LARGE1: variants seen among roughly 807,000 people sequenced by gnomAD.
LARGE1 encodes LARGE xylosyl- and glucuronyltransferase 1.
LARGE1 carries 43 observed loss-of-function variants against 87.6 expected under a neutral mutation model. The observed-to-expected ratio is 0.49, with a 90% confidence interval of 0.38 to 0.63. LARGE1 has a LOEUF of 0.63. LARGE1 is among the 30% of genes least tolerant of loss of function. The pLI is 0.00. For missense variants in LARGE1, 802 were observed against 1,000.2 expected, an observed-to-expected ratio of 0.80 and a Z score of 2.67; for synonymous variants, 434 against 394.6, an observed-to-expected ratio of 1.10 and a Z score of -1.18.
At chr22:33,134,926 G>A in the LARGE1 span, among the ~76,000 whole-genome samples, 1 of 152,146 alleles carries the variant, frequency 6.6e-6, no homozygotes. Flanking sequence ...TTATGGTAGG[G>A]GCTGTGAAGC....
At chr22:33,091,158 A>G in the LARGE1 span, among the ~76,000 whole-genome samples, 2 of 152,202 alleles carry the variant, frequency 1.3e-5, no homozygotes, top group African/African-American at 4.8e-5. Flanking sequence ...CTCACATGAC[A>G]ATTATATCCA....
chr22:33,818,714 C>T (rs73171910), intron 1 of LARGE1, among the ~76,000 whole-genome samples: 3,515 of 152,254 alleles, frequency 0.023, 63 homozygotes, highest in Middle Eastern at 0.051. Context: ...AAATACCTAC[C>T]GAACAATGAA....
chr22:33,381,829 G>A (rs1186234910), intron 9 of LARGE1, 90 bp downstream of exon 9: 3 of 1,514,308 alleles, frequency 2.0e-6, no homozygotes, highest in African/African-American at 1.4e-5. Context: ...TCACCACATT[G>A]CACATAAATC....
intron 5 of LARGE1, among the ~76,000 whole-genome samples, chr22:33,575,754 C>T (rs1333607624): frequency 6.6e-6 from 1 of 152,076 alleles, no homozygotes; most frequent in African/African-American, 2.4e-5. Flanking sequence ...TAAATAATTC[C>T]AGAATGATGA....
chr22:33,083,253 A>C, the LARGE1 span, among the ~76,000 whole-genome samples: 1 of 152,252 alleles, frequency 6.6e-6, no homozygotes, highest in East Asian at 1.9e-4. Flanking sequence ...TTCTTTCACT[A>C]TGCTAGGCTG....
At chr22:33,383,978 A>G (rs1269694766) in intron 8 of LARGE1, among the ~76,000 whole-genome samples, 1 of 152,228 alleles carries the variant, frequency 6.6e-6, no homozygotes, top group Non-Finnish European at 1.5e-5. Flanking sequence ...GTACTCAGTG[A>G]AAGTCTGCCG....
At chr22:33,253,919 T>TTA (rs1927130741) in intron 11 of LARGE1, among the ~76,000 whole-genome samples, 1 of 151,566 alleles carries the variant, frequency 6.6e-6, no homozygotes, top group African/African-American at 2.4e-5. Flanking sequence ...TTTTTTTTTT[T>TTA]TTTTAGTAAA....
intron 2 of LARGE1, among the ~76,000 whole-genome samples, chr22:33,739,053 C>T (rs2083775348): frequency 6.6e-6 from 1 of 151,436 alleles, no homozygotes; most frequent in African/African-American, 2.4e-5. Context: ...GTAACCTCAG[C>T]GTACGTACTT....
intron 1 of LARGE1, among the ~76,000 whole-genome samples, chr22:33,764,273 T>C (rs1235217702): frequency 2.0e-5 from 3 of 152,180 alleles, no homozygotes; most frequent in Non-Finnish European, 4.4e-5. Context: ...AGGATCCACC[T>C]ACTCAATTCT....
chr22:33,153,404 T>A, the LARGE1 span, among the ~76,000 whole-genome samples: 2 of 152,234 alleles, frequency 1.3e-5, no homozygotes, highest in African/African-American at 4.8e-5. Flanking sequence ...TTTTACTGTA[T>A]GTTCAATATT....
At chr22:33,635,916 T>C (rs902732229) in intron 3 of LARGE1, among the ~76,000 whole-genome samples, 1 of 152,218 alleles carries the variant, frequency 6.6e-6, no homozygotes, top group Non-Finnish European at 1.5e-5. Context: ...ATGCACCACC[T>C]GGCTTTGTAA....
intron 11 of LARGE1, among the ~76,000 whole-genome samples, chr22:33,232,884 A>G (rs776089712): frequency 3.3e-5 from 5 of 152,286 alleles, no homozygotes; most frequent in Non-Finnish European, 7.3e-5. Context: ...AAAAATGAGA[A>G]AATGACTGCA....
intron 7 of LARGE1, among the ~76,000 whole-genome samples, chr22:33,410,305 G>A (rs1471598906): frequency 6.6e-6 from 1 of 152,066 alleles, no homozygotes; most frequent in Non-Finnish European, 1.5e-5. Context: ...AATCCCCAGA[G>A]CTAAGTAACT....
At chr22:33,125,987 A>G in the LARGE1 span, among the ~76,000 whole-genome samples, 1 of 152,068 alleles carries the variant, frequency 6.6e-6, no homozygotes, top group Non-Finnish European at 1.5e-5. Flanking sequence ...ACTTTCGACA[A>G]TCCACCCGAC....
rs148976722 is a variant in LARGE1, at chr22:33,641,334, G to C, written c.408+9033C>G. Among the ~76,000 whole-genome samples, 24 of 152,180 alleles carry C rather than the reference G, an allele frequency of 1.6e-4. No individual in the cohort carries two copies. The East Asian group carries it at 4.1e-3, about 26-fold the overall frequency. On this transcript the variant is annotated intron_variant, in intron 3 of 14. Coordinates refer to ENST00000397394, the MANE Select transcript of LARGE1 (RefSeq NM_133642.5). ...TAGAAGGAAAACTAACAAACATAAA[G>C]CAATAACATCAACATCAACAAATAG... is the stretch of plus-strand genomic sequence containing the variant.
chr22:33,081,716 C>T, the LARGE1 span, among the ~76,000 whole-genome samples: 1 of 152,120 alleles, frequency 6.6e-6, no homozygotes, highest in African/African-American at 2.4e-5. Context: ...GCCTTCTACC[C>T]TCATGTCTAT....
chr22:33,388,867 C>G (rs1175613508), intron 7 of LARGE1, among the ~76,000 whole-genome samples: 1 of 152,234 alleles, frequency 6.6e-6, no homozygotes, highest in African/African-American at 2.4e-5. Context: ...CCACGCCTGG[C>G]CAATCTCATG....
chr22:33,145,771 G>A, the LARGE1 span, among the ~76,000 whole-genome samples: 2 of 152,250 alleles, frequency 1.3e-5, no homozygotes, highest in African/African-American at 4.8e-5. Context: ...ATCATTCAAT[G>A]GTGAATAGCT....
chr22:33,806,117 T>C (rs1034546074), intron 1 of LARGE1, among the ~76,000 whole-genome samples: 7 of 142,922 alleles, frequency 4.9e-5, no homozygotes, highest in Admixed American at 3.4e-4. Flanking sequence ...TCCCAGCCCC[T>C]GGTAATAACC....
Sources: gnomAD v4.1 joint callset for allele counts (sites outside exome capture counted in the v4.1 genomes callset) on GRCh38, gnomAD v4.1.1 for gene constraint, MANE v1.5 for transcripts, NCBI Gene and HGNC (gene_info 2026-07-23, HGNC 2026-07-21) for gene names.